The following RTN4RL2 variants were observed in gnomAD, a reference collection of about 807,000 sequenced individuals.
The protein encoded by RTN4RL2 is reticulon-4 receptor-like 2.
A neutral mutation model predicts 27.8 loss-of-function variants in RTN4RL2; 9 were observed. The ratio of observed to expected loss-of-function variants is 0.32; its 90% confidence interval spans 0.20 to 0.57. The LOEUF (loss-of-function observed/expected upper bound fraction) is 0.57, where lower values mean the gene tolerates loss of function less well. Ranked by LOEUF, RTN4RL2 falls within the 20% of genes least tolerant of loss-of-function variation. The probability of loss-of-function intolerance (pLI) is 0.90; values close to 1 mark genes in which losing one functional copy is unlikely to be tolerated. For synonymous variants in RTN4RL2, 285 were observed against 297.9 expected (o/e 0.96, Z 0.45); for missense variants, 436 against 596.8 (o/e 0.73, Z 2.81).
At position 57,477,235 on chromosome 11, in the gene RTN4RL2, C is replaced by A. The variant is rs1943604284; in HGVS notation, c.*324C>A. ...CACTCCTAAGGGCCCACAGCGGACA[C>A]CAGAGGGGCTTTTGTCTGCAGAGCG... On this transcript the variant is annotated 3_prime_UTR_variant, in exon 3 of 3. Coordinates refer to ENST00000335099, the MANE Select transcript of RTN4RL2 (RefSeq NM_178570.3). 6.9e-6 allele frequency: 2 copies of A among 291,594 alleles called. No homozygotes were observed. Among genetic ancestry groups the A allele is most frequent in the Non-Finnish European group, 1.3e-5 (2 of 157,508 alleles). The allele number at this position is 291,594 out of a possible 1,614,324, so 18.1% of individuals were successfully genotyped here.
At position 57,460,914 on chromosome 11, in the gene RTN4RL2, G is replaced by T; in HGVS notation, c.31+18G>T. On this transcript the variant is annotated intron_variant, in intron 1 of 2. Coordinates refer to ENST00000335099, the MANE Select transcript of RTN4RL2 (RefSeq NM_178570.3). ...GCTGCAAGGTAAGAACGCCAGCGGC[G>T]GGAGAGCGGAGGGCATCCTGGGGAG... is the stretch of plus-strand genomic sequence containing the variant. 7.2e-7 allele frequency: 1 copy of T among 1,383,714 alleles called. No individual in the cohort carries two copies. The highest frequency in any genetic ancestry group is 9.5e-7 in the Non-Finnish European group (1 of 1,051,778). 85.7% of individuals were successfully genotyped at this position (1,383,714 alleles called of 1,614,324 possible). A position where few individuals can be genotyped will look rare whatever the true frequency, so the allele number is the denominator to read the frequency against.
rs1189595308 is a variant in RTN4RL2 at position 57,476,806 on chromosome 11, C to T, written c.1158C>T (p.Pro386=). The T allele has an allele frequency of 2.6e-6, 4 of 1,539,418 alleles. No individual in the cohort carries two copies. Among genetic ancestry groups the T allele is most frequent in the East Asian group, 2.6e-5 (1 of 39,080 alleles). The change falls in exon 3 of 3, where the codon CCC becomes CCT. Residue 386 remains proline (P), a synonymous_variant. Transcript: ENST00000335099. This position sits in a 1 kb window ranked among gnomAD's most constrained non-coding sequence, Gnocchi z 8.2. ...GEDQRGEQMC[P]GAACQAPPDS... is the part of the protein sequence containing the mutation. ...ACCAGCGAGGGGAGCAGATGTGCCC[C>T]GGCGCTGCCTGCCAGGCGCCCCCGG...
At position 57,476,040 on chromosome 11, in the gene RTN4RL2, G is replaced by A. The variant is rs1438726581; in HGVS notation, c.514-122G>A. 8.4e-6 allele frequency: 8 copies of A among 951,250 alleles called. No homozygotes were observed. The highest frequency in any genetic ancestry group is 1.3e-5 in the Non-Finnish European group (8 of 624,226). 58.9% of individuals were successfully genotyped at this position (951,250 alleles called of 1,614,324 possible). A position where few individuals can be genotyped will look rare whatever the true frequency, so the allele number is the denominator to read the frequency against. ...AAATCCAGGATGCTATGAATCAAAA[G>A]GTCAACCCTTTCTCTTCTGCCACGG... On this transcript the variant is annotated intron_variant, in intron 2 of 2. Transcript: ENST00000335099. The surrounding 1 kb of genome is among the most constrained non-coding windows in gnomAD (Gnocchi z 8.2).
chr11:57,473,913 T>C (rs1943579352), intron 2 of RTN4RL2, among the ~76,000 whole-genome samples: 1 of 152,130 alleles, frequency 6.6e-6, no homozygotes, highest in Non-Finnish European at 1.5e-5. Context: ...TTTGGTCTAC[T>C]CTTCTGACCT....
chr11:57,465,506 T>C (rs569154943), intron 1 of RTN4RL2, among the ~76,000 whole-genome samples: 2 of 152,230 alleles, frequency 1.3e-5, no homozygotes, highest in South Asian at 2.1e-4. Context: ...GCCTAGGACG[T>C]TGCTTGAAGC....
rs1943536332 is a variant in RTN4RL2 at position 57,467,699 on chromosome 11, C to T, written c.122C>T (p.Pro41Leu). The change falls in exon 2 of 3, where the codon CCG becomes CTG. Residue 41 changes from proline (P) to leucine (L), a missense_variant. Around this residue, in one of 3 missense-constraint regions of RTN4RL2, gnomAD observed 365 missense variants for 530.5 expected, o/e 0.69. Coordinates refer to ENST00000335099, the MANE Select transcript of RTN4RL2 (RefSeq NM_178570.3). This position sits in a 1 kb window ranked among gnomAD's most constrained non-coding sequence, Gnocchi z 5.5. ...ATGCTCTGCACCTGCTACTCATCCC[C>T]GCCCACCGTGAGCTGCCAGGCCAAC... ...CPMLCTCYSS[P>L]PTVSCQANNF... The T allele has an allele frequency of 6.2e-7, 1 of 1,612,154 alleles. No individual in the cohort carries two copies. Among genetic ancestry groups the T allele is most frequent in the Non-Finnish European group, 8.5e-7 (1 of 1,180,012 alleles).
chr11:57,475,008 T>C (rs1304738164), intron 2 of RTN4RL2, among the ~76,000 whole-genome samples: 3 of 152,092 alleles, frequency 2.0e-5, no homozygotes, highest in Non-Finnish European at 4.4e-5. Flanking sequence ...CTCACCCCAA[T>C]ACCCAGCCTA....
At chr11:57,463,061 C>T (rs903893287) in intron 1 of RTN4RL2, among the ~76,000 whole-genome samples, 1 of 152,190 alleles carries the variant, frequency 6.6e-6, no homozygotes, top group Non-Finnish European at 1.5e-5. Flanking sequence ...GATGTGGCCA[C>T]CTCTTAAAGA....
chr11:57,470,580 A>T (rs1243563793), intron 2 of RTN4RL2, among the ~76,000 whole-genome samples: 2 of 140,708 alleles, frequency 1.4e-5, no homozygotes, highest in Non-Finnish European at 2.9e-5. Flanking sequence ...TTTTGTAAGG[A>T]TTAAAATGTA....
chr11:57,468,039 G>A lies in RTN4RL2; in HGVS notation c.462G>A (p.Leu154=), dbSNP rs772256796. The A allele has an allele frequency of 6.9e-6, 11 of 1,599,840 alleles. No homozygotes were observed. Among genetic ancestry groups the A allele is most frequent in the African/African-American group, 2.7e-5 (2 of 74,850 alleles). ...SSLPGNIFRG[L]VSLQYLYLQE... Reference sequence around the variant, plus strand: ...TGCCCGGCAACATCTTCCGAGGCCTGGTCAGCCTGCAGTACCTCTACCTCC... The same window carrying A: ...TGCCCGGCAACATCTTCCGAGGCCTAGTCAGCCTGCAGTACCTCTACCTCC... The change falls in exon 2 of 3, where the codon CTG becomes CTA. Residue 154 remains leucine, a synonymous_variant. Coordinates refer to ENST00000335099, the MANE Select transcript of RTN4RL2 (RefSeq NM_178570.3).
chr11:57,462,367 T>A (rs1943491414), intron 1 of RTN4RL2, among the ~76,000 whole-genome samples: 1 of 151,970 alleles, frequency 6.6e-6, no homozygotes. Flanking sequence ...CCCTGCCCCC[T>A]CAGCATCTGC....
Position 57,460,802 on chromosome 11 carries a change from G to T in RTN4RL2, c.-64G>T. 1.0e-6 allele frequency: 1 copy of T among 988,978 alleles called. No individual in the cohort carries two copies. The allele number at this position is 988,978 out of a possible 1,614,324, so 61.3% of individuals were successfully genotyped here. A position where few individuals can be genotyped will look rare whatever the true frequency, so the allele number is the denominator to read the frequency against. On this transcript the variant is annotated 5_prime_UTR_variant, in exon 1 of 3. Transcript: ENST00000335099. ...GCGGGGTCCCCGCCGTGCATCCGGC[G>T]GGCTCAGGGAGCGAGTGGGAGCGCC...
At chr11:57,468,473 C>T (rs2135119694) in intron 2 of RTN4RL2, 2 of 1,216,614 alleles carry the variant, frequency 1.6e-6, no homozygotes, top group Non-Finnish European at 2.3e-6. Flanking sequence ...ACCCACTCCG[C>T]ATACACCCCC....
At chr11:57,468,760 C>T (rs1457356349) in intron 2 of RTN4RL2, 2 of 1,533,496 alleles carry the variant, frequency 1.3e-6, no homozygotes, top group Admixed American at 3.9e-5. Context: ...AACCTGTCAT[C>T]TCAATGCAGG....
intron 2 of RTN4RL2, among the ~76,000 whole-genome samples, chr11:57,474,834 T>C (rs1943587228): frequency 6.6e-6 from 1 of 152,184 alleles, no homozygotes; most frequent in South Asian, 2.1e-4. Context: ...CCCCCCGCTG[T>C]TAATTCTGAA....
At position 57,467,268 on chromosome 11, in the gene RTN4RL2, G is replaced by C. The variant is rs1480427307; in HGVS notation, c.32-341G>C. Among the ~76,000 whole-genome samples the C allele has an allele frequency of 1.3e-5, 2 of 152,070 alleles. No homozygotes were observed. Among genetic ancestry groups the C allele is most frequent in the Non-Finnish European group, 2.9e-5 (2 of 68,002 alleles). On this transcript the variant is annotated intron_variant, in intron 1 of 2. Coordinates refer to ENST00000335099, the MANE Select transcript of RTN4RL2 (RefSeq NM_178570.3). The surrounding 1 kb of genome is among the most constrained non-coding windows in gnomAD (Gnocchi z 5.5). Reference sequence around the variant, plus strand: ...TTGTGTTGCCCAGGCTGGAGTGCAAGGGTGTGATCGTTGCTCACTACAGCC... The same window carrying C: ...TTGTGTTGCCCAGGCTGGAGTGCAACGGTGTGATCGTTGCTCACTACAGCC...
In RTN4RL2 at chr11:57,467,479, G is replaced by T; in HGVS notation, c.32-130G>T. 1 of 1,466,408 alleles carries T rather than the reference G, an allele frequency of 6.8e-7. No individual in the cohort carries two copies. Among genetic ancestry groups the T allele is most frequent in the Non-Finnish European group, 9.1e-7 (1 of 1,102,090 alleles). The allele number at this position is 1,466,408 out of a possible 1,614,324, so 90.8% of individuals were successfully genotyped here. A position where few individuals can be genotyped will look rare whatever the true frequency, so the allele number is the denominator to read the frequency against. ...TCCTCCTGCCTTGGCCTCCCAAAGTGCTGGGATTACAGGTGTGAGCCACCA... is the reference window on the plus strand; with the variant it reads ...TCCTCCTGCCTTGGCCTCCCAAAGTTCTGGGATTACAGGTGTGAGCCACCA... On this transcript the variant is annotated intron_variant, in intron 1 of 2. Transcript: ENST00000335099. The surrounding 1 kb of genome is among the most constrained non-coding windows in gnomAD (Gnocchi z 5.5).
chr11:57,477,059 G>T lies in RTN4RL2; in HGVS notation c.*148G>T, dbSNP rs559965338. 2.2e-5 allele frequency: 16 copies of T among 736,170 alleles called. No individual in the cohort carries two copies. The South Asian group carries it at 3.3e-4, about 15-fold the overall frequency. The allele number at this position is 736,170 out of a possible 1,614,324, so 45.6% of individuals were successfully genotyped here. On this transcript the variant is annotated 3_prime_UTR_variant, in exon 3 of 3. Transcript: ENST00000335099. Reference sequence around the variant, plus strand: ...TCCTCTCCTCCCCGGGGAGCAGGCCGCCTCTCCTTGCCTGCCCCCTGGGCT... The same window carrying T: ...TCCTCTCCTCCCCGGGGAGCAGGCCTCCTCTCCTTGCCTGCCCCCTGGGCT...
chr11:57,470,994 G>A (rs1010060625), intron 2 of RTN4RL2, among the ~76,000 whole-genome samples: 8 of 152,048 alleles, frequency 5.3e-5, no homozygotes, highest in Non-Finnish European at 1.0e-4. Flanking sequence ...CCAGCACTTC[G>A]GGAGGCCAAG....
Sources: allele counts gnomAD v4.1 joint callset (sites outside exome capture counted in the v4.1 genomes callset), GRCh38; gene constraint gnomAD v4.1.1; regional missense constraint gnomAD v4.1.1; non-coding constraint Gnocchi (gnomAD v3.1); transcripts MANE v1.5; gene names NCBI Gene and HGNC (gene_info 2026-07-23, HGNC 2026-07-21).